BMPR1B: variants seen among roughly 807,000 people sequenced by gnomAD.
BMPR1B encodes bone morphogenetic protein receptor type 1B.
In BMPR1B, 12 loss-of-function variants were observed where a neutral mutation model predicts 59.1. The ratio of observed to expected loss-of-function variants is 0.20; its 90% CI spans 0.13 to 0.33. The LOEUF (loss-of-function observed/expected upper bound fraction) is 0.33, where lower values mean the gene tolerates loss of function less well. Among genes scored for constraint, BMPR1B ranks in the 10% least tolerant of loss-of-function variants. The pLI, the probability that BMPR1B is intolerant of heterozygous loss-of-function variation, is 1.00. For synonymous variants in BMPR1B, 237 were observed against 207.3 expected (o/e 1.14, Z -1.23); for missense variants, 550 against 610.9 (o/e 0.90, Z 1.05).
rs35163913 is a variant in BMPR1B, at chr4:94,894,438, A to AAGAGAGAGAGAG, written c.-113+18550_-113+18561dup. On this transcript the variant is annotated intron_variant, in intron 2 of 12. Coordinates refer to ENST00000515059, the MANE Select transcript of BMPR1B (RefSeq NM_001203.3). ...CAAACATAGCCATTATGGCCTTTAA[A>AAGAGAGAGAGAG]AGAGAGAGAGAGAGAGAGAGAGAAA... Among the ~76,000 whole-genome samples the AAGAGAGAGAGAG allele has an allele frequency of 4.9e-3, 731 of 149,472 alleles. 4 individuals are homozygous for AAGAGAGAGAGAG. Among genetic ancestry groups the AAGAGAGAGAGAG allele is most frequent in the African/African-American group, 8.2e-3 (333 of 40,818 alleles).
At chr4:94,943,499 A>G (rs1271099528) in intron 2 of BMPR1B, among the ~76,000 whole-genome samples, 2 of 152,210 alleles carry the variant, frequency 1.3e-5, no homozygotes, top group African/African-American at 2.4e-5. Context: ...CTAAATAAGG[A>G]TAATAATAGT....
rs533904775 is a variant in BMPR1B, at chr4:95,047,946, C to T, written c.-18+51812C>T. On this transcript the variant is annotated intron_variant, in intron 3 of 12. Transcript: ENST00000515059. ...TAGTTTTTCAACCCTTGGGAGCCTGCGTGTCTCCTTCCCCACTCCAGTAGG... is the reference window on the plus strand; with the variant it reads ...TAGTTTTTCAACCCTTGGGAGCCTGTGTGTCTCCTTCCCCACTCCAGTAGG... Among the ~76,000 whole-genome samples, 4 of 152,258 alleles carry T rather than the reference C, an allele frequency of 2.6e-5. No homozygotes were observed. In the East Asian group the frequency reaches 5.8e-4, roughly 22 times the overall value.
chr4:95,148,780 C>T lies in BMPR1B; in HGVS notation c.1109C>T (p.Thr370Ile), dbSNP rs781424907. The T allele has an allele frequency of 9.9e-6, 16 of 1,613,882 alleles. No individual in the cohort carries two copies. The highest frequency in any genetic ancestry group is 1.4e-5 in the Non-Finnish European group (16 of 1,179,942). ...AATGAAGTTGACATACCACCTAACACTCGAGTTGGCACCAAACGCTATATG... is the reference window on the plus strand; with the variant it reads ...AATGAAGTTGACATACCACCTAACATTCGAGTTGGCACCAAACGCTATATG... ...DTNEVDIPPNTRVGTKRYMPP... is the reference protein window; with the variant it reads ...DTNEVDIPPNIRVGTKRYMPP... The change falls in exon 11 of 13, where the codon ACT becomes ATT. Residue 370 changes from threonine (T) to isoleucine (I), a missense_variant. Transcript: ENST00000515059.
chr4:94,768,733 T>G (rs939481390), intron 1 of BMPR1B, among the ~76,000 whole-genome samples: 1 of 152,156 alleles, frequency 6.6e-6, no homozygotes, highest in Admixed American at 6.5e-5. Flanking sequence ...TTAGTAATAT[T>G]ATAAACTAAT....
chr4:94,978,168 G>A (rs994907146), intron 2 of BMPR1B, among the ~76,000 whole-genome samples: 4 of 152,086 alleles, frequency 2.6e-5, no homozygotes, highest in Admixed American at 1.3e-4. Context: ...TTTTATTATA[G>A]CACTCACTTC....
At position 94,946,945 on chromosome 4, in the gene BMPR1B, G is replaced by A. The variant is rs965232473; in HGVS notation, c.-112-49095G>A. Among the ~76,000 whole-genome samples the A allele has an allele frequency of 1.8e-4, 28 of 152,120 alleles. No homozygotes were observed. In the South Asian group the frequency reaches 1.9e-3, roughly 10 times the overall value. On this transcript the variant is annotated intron_variant, in intron 2 of 12. Coordinates refer to ENST00000515059, the MANE Select transcript of BMPR1B (RefSeq NM_001203.3). ...CGAGCACCTGTGGCCCCTGCTACCC[G>A]GGAGACTGAAGTGGGGAAATCGCCT...
chr4:95,127,436 CTTATAA>C (rs1198434039), intron 8 of BMPR1B, among the ~76,000 whole-genome samples: 1 of 151,824 alleles, frequency 6.6e-6, no homozygotes, highest in Non-Finnish European at 1.5e-5. Context: ...TCTGTCAAAA[CTTATAA>C]TTAAATTATA....
intron 1 of BMPR1B, among the ~76,000 whole-genome samples, chr4:94,866,625 G>A (rs2865409): frequency 0.12 from 18,316 of 151,882 alleles, 1,151 homozygotes; most frequent in Non-Finnish European, 0.14. Context: ...TCGCTGTGTC[G>A]CCAGGCTGGA....
chr4:94,921,967 A>C (rs940125249), intron 2 of BMPR1B, among the ~76,000 whole-genome samples: 5 of 151,770 alleles, frequency 3.3e-5, no homozygotes, highest in Non-Finnish European at 7.4e-5. Flanking sequence ...TTTTGTTAGC[A>C]TGTTTTCTTT....
At chr4:94,958,852 T>TC (rs1395215587) in intron 2 of BMPR1B, among the ~76,000 whole-genome samples, 1 of 152,118 alleles carries the variant, frequency 6.6e-6, no homozygotes, top group Admixed American at 6.6e-5. Flanking sequence ...GGTCAGGGGC[T>TC]CATATGAGTA....
At chr4:94,954,146 G>A (rs956839838) in intron 2 of BMPR1B, among the ~76,000 whole-genome samples, 1 of 152,062 alleles carries the variant, frequency 6.6e-6, no homozygotes, top group South Asian at 2.1e-4. Context: ...ACTGGTTAGA[G>A]AGCATGTTGT....
chr4:95,082,821 G>A (rs1466080945), intron 3 of BMPR1B, among the ~76,000 whole-genome samples: 1 of 151,832 alleles, frequency 6.6e-6, no homozygotes, highest in Non-Finnish European at 1.5e-5. Context: ...GGCGGATCAC[G>A]AGGTCAGGAG....
chr4:95,064,000 G>A (rs975516903), intron 3 of BMPR1B, among the ~76,000 whole-genome samples: 4 of 152,068 alleles, frequency 2.6e-5, no homozygotes, highest in Non-Finnish European at 4.4e-5. Context: ...GGTTTGGCAA[G>A]GATGTGGAGA....
intron 10 of BMPR1B, among the ~76,000 whole-genome samples, chr4:95,147,222 A>G (rs1734716096): frequency 6.6e-6 from 1 of 152,200 alleles, no homozygotes; most frequent in Admixed American, 6.5e-5. Flanking sequence ...AAAATTTTAG[A>G]TTAAGAATTC....
At chr4:95,055,044 A>T (rs543531818) in intron 3 of BMPR1B, among the ~76,000 whole-genome samples, 28 of 152,192 alleles carry the variant, frequency 1.8e-4, no homozygotes, top group Non-Finnish European at 4.0e-4. Context: ...ATCAATAAAG[A>T]TACTTACAGG....
intron 3 of BMPR1B, among the ~76,000 whole-genome samples, chr4:95,001,795 G>T (rs1722468648): frequency 2.0e-5 from 3 of 151,928 alleles, no homozygotes; most frequent in African/African-American, 7.3e-5. Context: ...ACGTAGAGGG[G>T]GGCAAAACAA....
chr4:95,086,077 T>G (rs1433803106), intron 3 of BMPR1B, among the ~76,000 whole-genome samples: 1 of 152,082 alleles, frequency 6.6e-6, no homozygotes. Context: ...GACAGTTAAT[T>G]TTAAAGGTAT....
At chr4:94,812,011 A>G (rs1022207072) in intron 1 of BMPR1B, among the ~76,000 whole-genome samples, 4 of 152,196 alleles carry the variant, frequency 2.6e-5, no homozygotes, top group Admixed American at 6.5e-5. Context: ...CAAAAATTTT[A>G]TGTTGTAGAA....
intron 2 of BMPR1B, among the ~76,000 whole-genome samples, chr4:94,941,106 G>GCCTCCTGGT (rs1243584363): frequency 6.6e-6 from 1 of 152,024 alleles, no homozygotes; most frequent in Non-Finnish European, 1.5e-5. Flanking sequence ...TGTAAAACGG[G>GCCTCCTGGT]CCTCCTGGTC....
Sources: allele counts gnomAD v4.1 joint callset (sites outside exome capture counted in the v4.1 genomes callset), GRCh38; gene constraint gnomAD v4.1.1; transcripts MANE v1.5; gene names NCBI Gene and HGNC (gene_info 2026-07-23, HGNC 2026-07-21).